NTM: variants seen among roughly 807,000 people sequenced by gnomAD.
NTM encodes IgLON family member 2.
Under a neutral mutation model 42.1 loss-of-function variants are expected in NTM, and 13 were observed. That is an observed-to-expected ratio of 0.31 (90% CI 0.20 to 0.49). The LOEUF is 0.49. NTM is among the 20% of genes least tolerant of loss of function. The pLI, the probability that NTM is intolerant of heterozygous loss-of-function variation, is 0.99. For missense variants in NTM, 373 were observed against 452.8 expected (o/e 0.82, Z 1.60); for synonymous variants, 187 against 179.2 (o/e 1.04, Z -0.35).
chr11:131,459,202 C>T (rs953835718), intron 1 of NTM, among the ~76,000 whole-genome samples: 27 of 152,238 alleles, frequency 1.8e-4, no homozygotes, highest in African/African-American at 6.5e-4. Context: ...CTACTGCGTC[C>T]AGGGGCCACA....
intron 7 of NTM, among the ~76,000 whole-genome samples, chr11:132,327,490 T>G (rs2095708401): frequency 1.3e-5 from 2 of 152,200 alleles, no homozygotes; most frequent in African/African-American, 4.8e-5. Flanking sequence ...TGGTTAAGCA[T>G]TTCTATGGTA....
chr11:131,776,642 C>A (rs116842273), intron 1 of NTM, among the ~76,000 whole-genome samples: 2 of 151,902 alleles, frequency 1.3e-5, no homozygotes, highest in African/African-American at 4.8e-5. Context: ...GTTAGGGTAA[C>A]GTTAGCTGCT....
chr11:132,087,808 T>G (rs2059913646), intron 2 of NTM, among the ~76,000 whole-genome samples: 1 of 152,170 alleles, frequency 6.6e-6, no homozygotes, highest in Non-Finnish European at 1.5e-5. Context: ...AATGGGTTTC[T>G]CCAACAGGGA....
intron 1 of NTM, among the ~76,000 whole-genome samples, chr11:131,549,980 A>G (rs2054447136): frequency 6.6e-6 from 1 of 152,164 alleles, no homozygotes; most frequent in Non-Finnish European, 1.5e-5. Context: ...CACGTCCTGC[A>G]GGGCGGACTC....
At chr11:131,606,132 C>A (rs2060936483) in intron 1 of NTM, among the ~76,000 whole-genome samples, 1 of 152,092 alleles carries the variant, frequency 6.6e-6, no homozygotes, top group Non-Finnish European at 1.5e-5. Flanking sequence ...TAGCCTCAAC[C>A]TCCCTGGCTA....
At chr11:131,622,319 CT>C (rs1482962813) in intron 1 of NTM, among the ~76,000 whole-genome samples, 1 of 152,172 alleles carries the variant, frequency 6.6e-6, no homozygotes, top group African/African-American at 2.4e-5. Flanking sequence ...TCATTTACTT[CT>C]TAGTTTGCAT....
intron 1 of NTM, among the ~76,000 whole-genome samples, chr11:131,892,297 C>T (rs1270554914): frequency 2.0e-5 from 3 of 152,162 alleles, no homozygotes; most frequent in Admixed American, 1.3e-4. Context: ...ATTTATTCCG[C>T]AAATCTAACA....
intron 1 of NTM, among the ~76,000 whole-genome samples, chr11:131,448,078 A>G (rs562140648): frequency 1.1e-3 from 169 of 152,222 alleles, no homozygotes; most frequent in African/African-American, 4.0e-3. Flanking sequence ...GTCCTGTGCC[A>G]CCTCTCAGCA....
chr11:131,510,430 CAACT>C (rs1398018506), intron 1 of NTM, among the ~76,000 whole-genome samples: 1 of 152,124 alleles, frequency 6.6e-6, no homozygotes, highest in Non-Finnish European at 1.5e-5. Context: ...GTCTGCTTAC[CAACT>C]GCCCTTTCAT....
chr11:132,020,540 A>G (rs1330442812), intron 2 of NTM, among the ~76,000 whole-genome samples: 2 of 152,076 alleles, frequency 1.3e-5, no homozygotes, highest in Non-Finnish European at 2.9e-5. Context: ...TGAGTATGCT[A>G]CACATTTTAG....
At chr11:131,956,803 G>A (rs957399194) in intron 2 of NTM, among the ~76,000 whole-genome samples, 1 of 152,062 alleles carries the variant, frequency 6.6e-6, no homozygotes, top group East Asian at 1.9e-4. Context: ...TGTTTTTGTG[G>A]GACAGCATCA....
intron 1 of NTM, among the ~76,000 whole-genome samples, chr11:131,428,914 G>T (rs567080933): frequency 2.0e-5 from 3 of 149,380 alleles, no homozygotes; most frequent in Non-Finnish European, 4.4e-5. Flanking sequence ...AATTAGCCAG[G>T]CCTGGTGGTG....
intron 3 of NTM, among the ~76,000 whole-genome samples, chr11:132,147,386 G>A (rs1193271023): frequency 6.6e-6 from 1 of 152,008 alleles, no homozygotes; most frequent in Non-Finnish European, 1.5e-5. Flanking sequence ...ATCACACTTG[G>A]CCACTTTCTG....
chr11:131,706,971 TTATCA>T (rs144609758), intron 1 of NTM, among the ~76,000 whole-genome samples: 263 of 152,216 alleles, frequency 1.7e-3, no homozygotes, highest in African/African-American at 6.1e-3. Context: ...ACCTCACTAC[TTATCA>T]TTTCTTTGTG....
chr11:131,558,972 A>G (rs2055840424), intron 1 of NTM, among the ~76,000 whole-genome samples: 1 of 151,004 alleles, frequency 6.6e-6, no homozygotes, highest in African/African-American at 2.5e-5. Flanking sequence ...GCAAAACTTA[A>G]TAATTAGTGA....
At chr11:132,314,919 A>AGTTT (rs1427082780) in intron 7 of NTM, 1 of 1,330,228 alleles carries the variant, frequency 7.5e-7, no homozygotes, top group Non-Finnish European at 9.6e-7. Flanking sequence ...CAAGAGATAC[A>AGTTT]GTTTACATGT....
At chr11:131,563,827 A>G (rs1253077789) in intron 1 of NTM, among the ~76,000 whole-genome samples, 1 of 151,958 alleles carries the variant, frequency 6.6e-6, no homozygotes, top group South Asian at 2.1e-4. Flanking sequence ...TTTTCTGTCC[A>G]TGAGGCTTAA....
chr11:131,832,219 T>C (rs911556096), intron 1 of NTM, among the ~76,000 whole-genome samples: 20 of 150,130 alleles, frequency 1.3e-4, no homozygotes, highest in African/African-American at 4.6e-4. Context: ...TTCATATGTA[T>C]GCGTGATGCT....
chr11:131,857,229 C>G (rs1291234105), intron 1 of NTM, among the ~76,000 whole-genome samples: 1 of 152,166 alleles, frequency 6.6e-6, no homozygotes, highest in Non-Finnish European at 1.5e-5. Flanking sequence ...GTCTCCTAAC[C>G]CCAATGTTGC....
Sources: gnomAD v4.1 joint callset for allele counts (sites outside exome capture counted in the v4.1 genomes callset) on GRCh38, gnomAD v4.1.1 for gene constraint, MANE v1.5 for transcripts, NCBI Gene and HGNC (gene_info 2026-07-23, HGNC 2026-07-21) for gene names.